Variants in ARK2C observed in about 807,000 individuals in gnomAD.
The protein encoded by ARK2C is arkadia (RNF111) C-terminal like ring finger ubiquitin ligase 2C.
chr18:46,432,723 C>T, the ARK2C span, among the ~76,000 whole-genome samples: 130 of 151,970 alleles, frequency 8.6e-4, no homozygotes, highest in East Asian at 5.4e-3. Flanking sequence ...TTTGGGAGGC[C>T]GAGGCGGGTG....
chr18:46,405,227 C>T, the ARK2C span, among the ~76,000 whole-genome samples: 1 of 152,210 alleles, frequency 6.6e-6, no homozygotes, highest in African/African-American at 2.4e-5. Context: ...AAATGTGTAG[C>T]TCAGAGGTCA....
the ARK2C span, among the ~76,000 whole-genome samples, chr18:46,374,043 T>C: frequency 3.3e-5 from 5 of 152,260 alleles, no homozygotes; most frequent in South Asian, 2.1e-4. Context: ...TCCTGCAGCA[T>C]GAGCAGGGCC....
chr18:46,350,919 C>T, the ARK2C span, among the ~76,000 whole-genome samples: 10 of 152,284 alleles, frequency 6.6e-5, no homozygotes, highest in African/African-American at 2.4e-4. Context: ...AGAAGAGGGC[C>T]GGGTTTAATT....
the ARK2C span, among the ~76,000 whole-genome samples, chr18:46,399,829 C>T: frequency 1.3e-5 from 2 of 152,212 alleles, no homozygotes; most frequent in East Asian, 3.8e-4. Flanking sequence ...TATTCTTCTC[C>T]TTCAGGTCTG....
At chr18:46,338,203 G>A in the ARK2C span, among the ~76,000 whole-genome samples, 2 of 152,208 alleles carry the variant, frequency 1.3e-5, no homozygotes, top group African/African-American at 4.8e-5. Context: ...CATGTTACAT[G>A]TAGCTGAAGC....
the ARK2C span, among the ~76,000 whole-genome samples, chr18:46,338,062 A>C: frequency 6.6e-6 from 1 of 152,174 alleles, no homozygotes; most frequent in Non-Finnish European, 1.5e-5. Context: ...GGTTGAGAAA[A>C]GGGATACTGT....
chr18:46,369,941 A>ACACACACG, the ARK2C span, among the ~76,000 whole-genome samples: 7 of 152,082 alleles, frequency 4.6e-5, no homozygotes, highest in South Asian at 2.1e-4. Context: ...CCCTCCACAC[A>ACACACACG]CACACACGCA....
the ARK2C span, among the ~76,000 whole-genome samples, chr18:46,384,993 C>A: frequency 2.6e-5 from 4 of 152,208 alleles, no homozygotes; most frequent in Non-Finnish European, 5.9e-5. Flanking sequence ...CCTTTGTGCC[C>A]GTAGACAGTA....
the ARK2C span, among the ~76,000 whole-genome samples, chr18:46,375,142 T>TC: frequency 1.3e-5 from 2 of 151,968 alleles, no homozygotes; most frequent in Admixed American, 1.3e-4. Flanking sequence ...CCCTCCCAAC[T>TC]CCCCCCGCCC....
At chr18:46,334,388 C>G in the ARK2C span, 2 of 1,532,566 alleles carry the variant, frequency 1.3e-6, no homozygotes, top group South Asian at 2.4e-5. This position sits in a 1 kb window ranked among gnomAD's most constrained non-coding sequence, Gnocchi z 4.4. Flanking sequence ...GCCGCAGGCA[C>G]CGGGGCGGGG....
chr18:46,363,127 T>C, the ARK2C span, among the ~76,000 whole-genome samples: 1 of 152,242 alleles, frequency 6.6e-6, no homozygotes, highest in East Asian at 1.9e-4. Flanking sequence ...AAGTGCTCAA[T>C]AAGTACTTGT....
At chr18:46,404,097 G>A in the ARK2C span, among the ~76,000 whole-genome samples, 1 of 152,162 alleles carries the variant, frequency 6.6e-6, no homozygotes, top group Non-Finnish European at 1.5e-5. Flanking sequence ...CCCATGGAAA[G>A]TTTCAGGATT....
At chr18:46,376,872 T>C in the ARK2C span, among the ~76,000 whole-genome samples, 94 of 152,248 alleles carry the variant, frequency 6.2e-4, no homozygotes, top group African/African-American at 2.0e-3. Flanking sequence ...GGTTTCACCA[T>C]GTTGGCCAGG....
the ARK2C span, among the ~76,000 whole-genome samples, chr18:46,371,351 A>G: frequency 6.6e-6 from 1 of 152,188 alleles, no homozygotes; most frequent in Non-Finnish European, 1.5e-5. Flanking sequence ...AAGGAGGGTC[A>G]CGGGGTCTGA....
At chr18:46,404,471 T>G in the ARK2C span, among the ~76,000 whole-genome samples, 1 of 152,242 alleles carries the variant, frequency 6.6e-6, no homozygotes, top group Non-Finnish European at 1.5e-5. Flanking sequence ...AGTGAAGTAC[T>G]GACCAGGCGT....
the ARK2C span, among the ~76,000 whole-genome samples, chr18:46,349,412 T>C: frequency 1.3e-5 from 2 of 152,206 alleles, no homozygotes; most frequent in Non-Finnish European, 1.5e-5. Context: ...TCATGAGCGC[T>C]TCACTCTTGG....
At chr18:46,382,984 C>G in the ARK2C span, among the ~76,000 whole-genome samples, 3 of 152,216 alleles carry the variant, frequency 2.0e-5, no homozygotes, top group Non-Finnish European at 2.9e-5. Flanking sequence ...AATACTCACT[C>G]CCCCCACCCC....
chr18:46,456,943 G>A, the ARK2C span: 1 of 385,258 alleles, frequency 2.6e-6, no homozygotes, highest in East Asian at 5.6e-5. Context: ...GGATCCTGAA[G>A]GCACTAGCTG....
chr18:46,456,137 T>A, the ARK2C span: 1 of 1,035,778 alleles, frequency 9.7e-7, no homozygotes, highest in Non-Finnish European at 1.5e-6. Context: ...TGGTGACCAA[T>A]CACTGCACCG....
Sources: gnomAD v4.1 joint callset for allele counts (sites outside exome capture counted in the v4.1 genomes callset) on GRCh38, gnomAD v4.1.1 for gene constraint, Gnocchi (gnomAD v3.1) non-coding constraint, MANE v1.5 for transcripts, NCBI Gene and HGNC (gene_info 2026-07-23, HGNC 2026-07-21) for gene names.